EGFR: variants seen among roughly 807,000 people sequenced by gnomAD.
EGFR encodes epidermal growth factor receptor.
A neutral mutation model predicts 143.0 loss-of-function variants in EGFR; 58 were observed. The ratio of observed to expected loss-of-function variants is 0.41; its 90% confidence interval spans 0.33 to 0.50. EGFR has a LOEUF of 0.50. Ranked by LOEUF, EGFR falls within the 20% of genes least tolerant of loss-of-function variation. EGFR has a pLI of 0.39. For synonymous variants in EGFR, 613 were observed against 594.4 expected, an observed-to-expected ratio of 1.03 and a Z score of -0.45; for missense variants, 1,307 against 1,579.0, an observed-to-expected ratio of 0.83 and a Z score of 2.92.
rs375923119 is a variant in EGFR at position 55,019,246 on chromosome 7, G to A, written c.-32G>A. ...CCTGACTCCGTCCAGTATTGATCGGGAGAGCCGGAGCGAGCTCTTCGGGGA... is the reference window on the plus strand; with the variant it reads ...CCTGACTCCGTCCAGTATTGATCGGAAGAGCCGGAGCGAGCTCTTCGGGGA... On this transcript the variant is annotated 5_prime_UTR_variant, in exon 1 of 28. Transcript: ENST00000275493. 6.8e-7 allele frequency: 1 copy of A among 1,462,586 alleles called. No individual in the cohort carries two copies. Among genetic ancestry groups the A allele is most frequent in the East Asian group, 3.0e-5 (1 of 33,242 alleles). The allele number at this position is 1,462,586 out of a possible 1,614,324, so 90.6% of individuals were successfully genotyped here.
intron 20 of EGFR, among the ~76,000 whole-genome samples, chr7:55,190,128 C>A (rs201723038): frequency 6.6e-6 from 1 of 152,084 alleles, no homozygotes; most frequent in Non-Finnish European, 1.5e-5. Flanking sequence ...GCTTCTGCCC[C>A]CCCTCTCCTC....
intron 15 of EGFR, among the ~76,000 whole-genome samples, chr7:55,167,741 G>A (rs929394856): frequency 2.6e-5 from 4 of 152,050 alleles, no homozygotes; most frequent in East Asian, 1.9e-4. Flanking sequence ...TGGCAGTGAC[G>A]GTGATTGAGA....
chr7:55,041,255 A>T (rs1787880752), intron 1 of EGFR, among the ~76,000 whole-genome samples: 1 of 152,358 alleles, frequency 6.6e-6, no homozygotes, highest in East Asian at 1.9e-4. Flanking sequence ...TCTACTAAAA[A>T]TACAAAAATT....
intron 1 of EGFR, among the ~76,000 whole-genome samples, chr7:55,080,488 A>C (rs1335166811): frequency 6.6e-6 from 1 of 152,192 alleles, no homozygotes; most frequent in Non-Finnish European, 1.5e-5. Flanking sequence ...TGGAATCTAA[A>C]AAATTGTATT....
At position 55,205,257 on chromosome 7, in the gene EGFR, A is replaced by G. The variant is rs759517695; in HGVS notation, c.3273A>G (p.Glu1091=). Residue 1091 remains glutamate (E), a splice_region_variant and synonymous_variant, in exon 28 of 28, where the codon GAA becomes GAG. Transcript: ENST00000275493. The part of the protein sequence containing the change: ...SIDDTFLPVP[E]YINQSVPKRP... The stretch of plus-strand genomic sequence containing the variant: ...CCTCTGATTTCTTTCCACTTTCAGA[A>G]TACATAAACCAGTCCGTTCCCAAAA... 1.9e-6 allele frequency: 3 copies of G among 1,613,928 alleles called. No homozygotes were observed. The highest frequency in any genetic ancestry group is 1.1e-5 in the South Asian group (1 of 91,036).
intron 1 of EGFR, among the ~76,000 whole-genome samples, chr7:55,028,197 T>C (rs888154416): frequency 2.0e-5 from 3 of 151,982 alleles, no homozygotes; most frequent in Non-Finnish European, 4.4e-5. Context: ...TTAGCAGTCC[T>C]ATCGTTTTAC....
At chr7:55,087,238 C>T (rs75688944) in intron 1 of EGFR, among the ~76,000 whole-genome samples, 4,985 of 130,512 alleles carry the variant, frequency 0.038, 114 homozygotes, top group Middle Eastern at 0.071. Context: ...AGGCTCACAC[C>T]ATTTTAGGTT....
intron 1 of EGFR, among the ~76,000 whole-genome samples, chr7:55,071,090 G>C (rs896051486): frequency 2.6e-5 from 4 of 152,178 alleles, no homozygotes; most frequent in Non-Finnish European, 5.9e-5. Flanking sequence ...CTGTGGCTCC[G>C]GTGTCTCAGG....
intron 22 of EGFR, among the ~76,000 whole-genome samples, chr7:55,198,082 C>CT (rs1005333117): frequency 3.3e-4 from 50 of 152,078 alleles, no homozygotes; most frequent in African/African-American, 1.2e-3. Context: ...ATGGTACCAG[C>CT]TTTTTTTGTA....
chr7:55,089,451 C>T (rs1365068128), intron 1 of EGFR, among the ~76,000 whole-genome samples: 2 of 152,146 alleles, frequency 1.3e-5, no homozygotes, highest in African/African-American at 4.8e-5. Flanking sequence ...ATCCAGAACC[C>T]CAAATCATCA....
intron 1 of EGFR, among the ~76,000 whole-genome samples, chr7:55,115,037 G>A (rs4947977): frequency 0.5 from 76,171 of 151,634 alleles, 19,958 homozygotes; most frequent in East Asian, 0.69. Flanking sequence ...GCCCGCCACC[G>A]CGCCGGGCTA....
intron 1 of EGFR, among the ~76,000 whole-genome samples, chr7:55,128,583 C>A (rs1427688911): frequency 1.3e-5 from 2 of 152,128 alleles, no homozygotes; most frequent in African/African-American, 4.8e-5. Flanking sequence ...TGTGTGTATT[C>A]CCTTGCATAG....
At chr7:55,154,732 G>A (rs1016867739) in intron 7 of EGFR, among the ~76,000 whole-genome samples, 14 of 152,124 alleles carry the variant, frequency 9.2e-5, no homozygotes, top group African/African-American at 3.4e-4. Context: ...AGGGTTTAGG[G>A]AAATTGTGAC....
intron 1 of EGFR, among the ~76,000 whole-genome samples, chr7:55,105,215 T>C (rs1267545380): frequency 6.6e-6 from 1 of 152,240 alleles, no homozygotes; most frequent in East Asian, 1.9e-4. Context: ...GAATGATACA[T>C]TCATTTATAA....
At chr7:55,100,028 G>GC (rs1011504252) in intron 1 of EGFR, among the ~76,000 whole-genome samples, 48 of 152,330 alleles carry the variant, frequency 3.2e-4, no homozygotes, top group African/African-American at 9.1e-4. Flanking sequence ...GACCCAGCCA[G>GC]CAGACTGCCG....
At chr7:55,061,645 TGTGTGA>T (rs1365758499) in intron 1 of EGFR, among the ~76,000 whole-genome samples, 1,629 of 108,634 alleles carry the variant, frequency 0.015, 28 homozygotes, top group African/African-American at 0.05. Flanking sequence ...TGTGTGTGTG[TGTGTGA>T]GAGAGAGAGA....
chr7:55,146,180 G>A (rs1008740977), intron 3 of EGFR, among the ~76,000 whole-genome samples: 2 of 151,814 alleles, frequency 1.3e-5, no homozygotes, highest in African/African-American at 4.8e-5. Flanking sequence ...GTGGAGCCCT[G>A]GATGCCAGCC....
rs147353907 is a variant in EGFR, at chr7:55,037,568, G to C, written c.88+18203G>C. 1.4e-3 allele frequency among the ~76,000 whole-genome samples: 206 copies of C among 152,308 alleles called. 1 individual carries two copies. The highest frequency in any genetic ancestry group is 4.8e-3 in the African/African-American group (201 of 41,574). Reference sequence around the variant, plus strand: ...TGTGAGGATAGCCTCATACCCCTCAGTGAGCTCTTCATGGAGTGATGCAGT... The same window carrying C: ...TGTGAGGATAGCCTCATACCCCTCACTGAGCTCTTCATGGAGTGATGCAGT... On this transcript the variant is annotated intron_variant, in intron 1 of 27. Coordinates refer to ENST00000275493, the MANE Select transcript of EGFR (RefSeq NM_005228.5).
intron 15 of EGFR, chr7:55,166,189 A>T (rs1207345268): frequency 6.2e-6 from 3 of 482,076 alleles, no homozygotes; most frequent in African/African-American, 3.9e-5. Context: ...CTTTGACTGG[A>T]ATTAGCAGAA....
Sources: allele counts gnomAD v4.1 joint callset (sites outside exome capture counted in the v4.1 genomes callset), GRCh38; gene constraint gnomAD v4.1.1; transcripts MANE v1.5; gene names NCBI Gene and HGNC (gene_info 2026-07-23, HGNC 2026-07-21).